LRRC4C: variants seen among roughly 807,000 people sequenced by gnomAD.
The protein encoded by LRRC4C is leucine rich repeat containing 4C.
LRRC4C carries 5 observed loss-of-function variants against 33.6 expected under a neutral mutation model. The ratio of observed to expected loss-of-function variants is 0.15; its 90% CI spans 0.08 to 0.31. LRRC4C has a LOEUF of 0.31. LRRC4C is among the 10% of genes least tolerant of loss of function. The pLI is 1.00. For missense variants in LRRC4C, 560 were observed against 796.7 expected, an observed-to-expected ratio of 0.70 and a Z score of 3.58; for synonymous variants, 329 against 302.0, an observed-to-expected ratio of 1.09 and a Z score of -0.93.
chr11:40,983,747 C>T (rs954132369), intron 1 of LRRC4C, among the ~76,000 whole-genome samples: 3 of 152,022 alleles, frequency 2.0e-5, no homozygotes, highest in Admixed American at 2.0e-4. Context: ...AAAAAAAGCC[C>T]AACATCCCTG....
chr11:41,325,575 T>TGTG (rs369877294), intron 1 of LRRC4C, among the ~76,000 whole-genome samples: 1,476 of 117,496 alleles, frequency 0.013, 30 homozygotes, highest in African/African-American at 0.033. Flanking sequence ...AGTTTTTTTT[T>TGTG]TTTGTGTGTG....
chr11:40,436,962 A>T (rs1399168243), intron 3 of LRRC4C, among the ~76,000 whole-genome samples: 1 of 152,194 alleles, frequency 6.6e-6, no homozygotes, highest in East Asian at 1.9e-4. Context: ...TGGGATCAGT[A>T]GTTCGAGCTC....
At chr11:40,838,979 T>C (rs181004518) in intron 2 of LRRC4C, among the ~76,000 whole-genome samples, 2 of 152,196 alleles carry the variant, frequency 1.3e-5, no homozygotes, top group East Asian at 3.9e-4. Flanking sequence ...ATAGGACCAA[T>C]TGAGTTAACT....
intron 2 of LRRC4C, among the ~76,000 whole-genome samples, chr11:40,812,145 T>G (rs1446864819): frequency 6.6e-6 from 1 of 152,226 alleles, no homozygotes; most frequent in African/African-American, 2.4e-5. Context: ...GATTATTAAA[T>G]TCAGTAAATG....
chr11:40,301,122 C>A lies in LRRC4C; in HGVS notation c.-176+18506G>T, dbSNP rs547111184. Among the ~76,000 whole-genome samples, 27 of 152,296 alleles carry A rather than the reference C, an allele frequency of 1.8e-4. No homozygotes were observed. The South Asian group carries it at 5.6e-3, about 32-fold the overall frequency. ...AAGGGGAGCATGTTGACAGACAATT[C>A]TCCCTTTTTCAGACCACATGAGGCA... is the stretch of plus-strand genomic sequence containing the variant. On this transcript the variant is annotated intron_variant, in intron 4 of 6. Transcript: ENST00000528697.
intron 1 of LRRC4C, among the ~76,000 whole-genome samples, chr11:41,340,274 T>A (rs1048265485): frequency 3.9e-5 from 6 of 152,168 alleles, no homozygotes; most frequent in Non-Finnish European, 8.8e-5. Flanking sequence ...CATAAAGAAA[T>A]AGGATTGCTC....
At chr11:41,024,096 T>C (rs1415784807) in intron 1 of LRRC4C, among the ~76,000 whole-genome samples, 2 of 151,644 alleles carry the variant, frequency 1.3e-5, no homozygotes, top group East Asian at 1.9e-4. Flanking sequence ...ATTATATAGA[T>C]AGTCCTTTCT....
chr11:40,260,460 C>T (rs191992319), intron 4 of LRRC4C, among the ~76,000 whole-genome samples: 13 of 147,906 alleles, frequency 8.8e-5, no homozygotes, highest in South Asian at 2.2e-4. Flanking sequence ...TGCTAGATGA[C>T]GAGTTAGTGG....
intron 2 of LRRC4C, among the ~76,000 whole-genome samples, chr11:40,716,825 T>G (rs1298904711): frequency 2.6e-5 from 4 of 152,136 alleles, no homozygotes; most frequent in African/African-American, 4.8e-5. Flanking sequence ...GAGTGACAGA[T>G]GCTGGTGGGG....
intron 1 of LRRC4C, among the ~76,000 whole-genome samples, chr11:41,131,290 C>G (rs1590697776): frequency 6.6e-6 from 1 of 151,976 alleles, no homozygotes; most frequent in South Asian, 2.1e-4. Flanking sequence ...TAGTTCTAAC[C>G]TTTACTTCTG....
intron 3 of LRRC4C, among the ~76,000 whole-genome samples, chr11:40,529,484 C>G (rs962388393): frequency 6.6e-6 from 1 of 151,840 alleles, no homozygotes; most frequent in Admixed American, 6.6e-5. Flanking sequence ...AACTAGGAGA[C>G]AGATGGATCA....
At chr11:41,176,835 T>C (rs528268009) in intron 1 of LRRC4C, among the ~76,000 whole-genome samples, 42 of 152,046 alleles carry the variant, frequency 2.8e-4, no homozygotes, top group African/African-American at 9.6e-4. Context: ...CTTGGCAGTG[T>C]GCACCTGTAG....
intron 1 of LRRC4C, among the ~76,000 whole-genome samples, chr11:41,211,869 T>C (rs912276582): frequency 3.3e-5 from 5 of 152,184 alleles, no homozygotes; most frequent in Non-Finnish European, 7.3e-5. Context: ...CTGGGTCAAA[T>C]GGTATTTCTA....
chr11:41,009,565 C>T (rs1855021599), intron 1 of LRRC4C, among the ~76,000 whole-genome samples: 1 of 151,488 alleles, frequency 6.6e-6, no homozygotes, highest in African/African-American at 2.4e-5. Context: ...TTGACAAATT[C>T]AAGAAAAAAA....
chr11:41,034,998 T>C (rs965912019), intron 1 of LRRC4C, among the ~76,000 whole-genome samples: 48 of 150,828 alleles, frequency 3.2e-4, no homozygotes, highest in African/African-American at 1.2e-3. Flanking sequence ...TTATTTTTAT[T>C]TTAAATTTTA....
chr11:41,064,825 G>A (rs1271502513), intron 1 of LRRC4C, among the ~76,000 whole-genome samples: 4 of 152,180 alleles, frequency 2.6e-5, no homozygotes, highest in African/African-American at 9.7e-5. Context: ...CGGAGTCGGG[G>A]GACCTCCCTT....
chr11:40,319,490 A>G (rs1362643013), intron 4 of LRRC4C, 138 bp downstream of exon 4: 1 of 152,106 alleles, frequency 6.6e-6, no homozygotes, highest in South Asian at 2.1e-4. Context: ...CCAAATATTA[A>G]CTGCATCATT....
At chr11:40,720,613 T>C (rs1321518062) in intron 2 of LRRC4C, among the ~76,000 whole-genome samples, 2 of 152,138 alleles carry the variant, frequency 1.3e-5, no homozygotes, top group African/African-American at 2.4e-5. Flanking sequence ...TACCACCTCG[T>C]CTTCACCTTC....
intron 3 of LRRC4C, among the ~76,000 whole-genome samples, chr11:40,570,848 T>A (rs529939451): frequency 1.3e-5 from 2 of 152,268 alleles, no homozygotes; most frequent in South Asian, 4.1e-4. Context: ...AAAAAGCATG[T>A]AATCAAATAT....
Sources: allele counts gnomAD v4.1 joint callset (sites outside exome capture counted in the v4.1 genomes callset), GRCh38; gene constraint gnomAD v4.1.1; transcripts MANE v1.5; gene names NCBI Gene and HGNC (gene_info 2026-07-23, HGNC 2026-07-21).